Variants in DDR2 observed in about 807,000 individuals in gnomAD.
DDR2 encodes the protein discoidin domain receptor tyrosine kinase 2, also known as discoidin domain-containing receptor 2.
DDR2 carries 27 observed loss-of-function variants against 94.9 expected under a neutral mutation model. The observed-to-expected ratio is 0.28, with a 90% CI of 0.21 to 0.39. The LOEUF (loss-of-function observed/expected upper bound fraction) is 0.39. Among genes scored for constraint, DDR2 ranks in the 10% least tolerant of loss-of-function variants. DDR2 has a pLI of 1.00. For synonymous variants in DDR2, 382 were observed against 377.2 expected (o/e 1.01, Z -0.15); for missense variants, 783 against 1,076.0 (o/e 0.73, Z 3.81).
At chr1:162,776,071 A>C in intron 15 of DDR2, 65 bp from the exon 16 acceptor site, 1 of 1,448,486 alleles carries the variant, frequency 6.9e-7, no homozygotes, top group Admixed American at 1.7e-5. Flanking sequence ...CCATTTTAGA[A>C]TGTGTACCTT....
At chr1:162,729,891 G>A (rs1661938038) in intron 3 of DDR2, among the ~76,000 whole-genome samples, 1 of 151,734 alleles carries the variant, frequency 6.6e-6, no homozygotes, top group Non-Finnish European at 1.5e-5. Context: ...TTACAGGCAT[G>A]CACCACCACG....
rs538751008 is a variant in DDR2, at chr1:162,768,523, C to T, written c.1293+1164C>T. The stretch of plus-strand genomic sequence containing the variant: ...GAGGAGACCAATGCCTGTGTGGAAC[C>T]TCTATTCCAGAGGAGAGGAAAGGGC... On this transcript the variant is annotated intron_variant, in intron 11 of 17. Coordinates refer to ENST00000367921, the MANE Select transcript of DDR2 (RefSeq NM_006182.4). Among the ~76,000 whole-genome samples, 164 of 152,240 alleles carry T rather than the reference C, an allele frequency of 1.1e-3. 3 individuals are homozygous for T. In the South Asian group the frequency reaches 0.033, roughly 31 times the overall value.
At chr1:162,778,805 A>G in intron 17 of DDR2, 76 bp downstream of exon 17, 1 of 1,592,194 alleles carries the variant, frequency 6.3e-7, no homozygotes, top group Non-Finnish European at 8.6e-7. Context: ...CTGCCTTAGC[A>G]GGAGTGGGCC....
chr1:162,663,978 C>T (rs1658426200), intron 2 of DDR2, among the ~76,000 whole-genome samples: 1 of 152,048 alleles, frequency 6.6e-6, no homozygotes, highest in Non-Finnish European at 1.5e-5. Context: ...TGGAAACCCC[C>T]TAATAGATCA....
Position 162,720,922 on chromosome 1 carries a change from G to A in DDR2, c.82+1777G>A, listed in dbSNP as rs539121658. 6.6e-5 allele frequency among the ~76,000 whole-genome samples: 10 copies of A among 152,202 alleles called. No homozygotes were observed. In the South Asian group the frequency reaches 2.1e-3, roughly 32 times the overall value. ...TGGGTTTTTCTTTATACCTTCAATA[G>A]GAAATATGATCAAACATCCTTAAAA... On this transcript the variant is annotated intron_variant, in intron 3 of 17. Coordinates refer to ENST00000367921, the MANE Select transcript of DDR2 (RefSeq NM_006182.4).
chr1:162,720,964 T>G (rs1661391264), intron 3 of DDR2, among the ~76,000 whole-genome samples: 1 of 152,226 alleles, frequency 6.6e-6, no homozygotes, highest in South Asian at 2.1e-4. Flanking sequence ...AATTATTGGC[T>G]GAAGGAGCCC....
At chr1:162,697,944 T>G (rs1282593987) in intron 2 of DDR2, among the ~76,000 whole-genome samples, 1 of 152,178 alleles carries the variant, frequency 6.6e-6, no homozygotes, top group Admixed American at 6.5e-5. Flanking sequence ...GGAGTGATAG[T>G]AGAAGTAGAT....
At chr1:162,731,379 T>C (rs1489352060) in intron 3 of DDR2, among the ~76,000 whole-genome samples, 2 of 152,226 alleles carry the variant, frequency 1.3e-5, no homozygotes, top group Non-Finnish European at 2.9e-5. Flanking sequence ...CTTTTTCCTT[T>C]ATCCAAATTT....
At chr1:162,633,279 T>G (rs1257369191) in intron 1 of DDR2, among the ~76,000 whole-genome samples, 1 of 152,104 alleles carries the variant, frequency 6.6e-6, no homozygotes, top group African/African-American at 2.4e-5. Flanking sequence ...ACTGGGGCTG[T>G]TTTCATTTGG....
chr1:162,741,193 A>T (rs1662571563), intron 3 of DDR2, among the ~76,000 whole-genome samples: 1 of 80,288 alleles, frequency 1.2e-5, no homozygotes, highest in Admixed American at 1.5e-4. Flanking sequence ...ATAACATAAC[A>T]TAATACAATA....
At chr1:162,704,334 A>G (rs1660560163) in intron 2 of DDR2, among the ~76,000 whole-genome samples, 1 of 152,172 alleles carries the variant, frequency 6.6e-6, no homozygotes, top group Non-Finnish European at 1.5e-5. Flanking sequence ...AAGGGGCAGC[A>G]AAGCCACTTC....
intron 3 of DDR2, among the ~76,000 whole-genome samples, chr1:162,730,210 G>A (rs1489276689): frequency 6.6e-6 from 1 of 152,008 alleles, no homozygotes; most frequent in Non-Finnish European, 1.5e-5. Context: ...ATAATGAACC[G>A]AGGCCATTTC....
intron 3 of DDR2, among the ~76,000 whole-genome samples, chr1:162,721,898 CAATAAAATAAA>C (rs1406943699): frequency 6.6e-6 from 1 of 152,022 alleles, no homozygotes; most frequent in Non-Finnish European, 1.5e-5. Context: ...GCATTAAACT[CAATAAAATAAA>C]AATAAAATAA....
intron 2 of DDR2, among the ~76,000 whole-genome samples, chr1:162,700,560 T>C (rs1660385729): frequency 6.6e-6 from 1 of 152,202 alleles, no homozygotes; most frequent in African/African-American, 2.4e-5. Flanking sequence ...GATTTCAGCC[T>C]TGGAAATCTG....
intron 12 of DDR2, 138 bp from the exon 13 acceptor site, chr1:162,771,886 C>T (rs771416341): frequency 1.0e-5 from 9 of 889,528 alleles, no homozygotes; most frequent in African/African-American, 6.7e-5. Context: ...GAAGCAAAAC[C>T]ATTTTCCAAG....
Position 162,779,765 on chromosome 1 carries a change from G to A in DDR2, c.2434-347G>A, listed in dbSNP as rs911347190. ...GTTGTTTTCTGCCTCTGCCATGATC[G>A]GCTCAGCCAAGATGAACTTCAATAT... On this transcript the variant is annotated intron_variant, in intron 17 of 17. Coordinates refer to ENST00000367921, the MANE Select transcript of DDR2 (RefSeq NM_006182.4). Among the ~76,000 whole-genome samples the A allele has an allele frequency of 2.4e-4, 37 of 152,128 alleles. 1 individual carries two copies. The highest frequency in any genetic ancestry group is 2.2e-3 in the Admixed American group (33 of 15,276).
At chr1:162,688,892 C>T (rs1468606718) in intron 2 of DDR2, among the ~76,000 whole-genome samples, 1 of 152,204 alleles carries the variant, frequency 6.6e-6, no homozygotes, top group Non-Finnish European at 1.5e-5. Context: ...TGGGGCCGGC[C>T]TTCCTGAGAC....
chr1:162,717,245 A>G (rs1406332169), intron 2 of DDR2, among the ~76,000 whole-genome samples: 1 of 152,118 alleles, frequency 6.6e-6, no homozygotes, highest in African/African-American at 2.4e-5. Context: ...CATGATGGCC[A>G]GGCTGGTCTT....
chr1:162,698,879 T>G (rs1660306502), intron 2 of DDR2, among the ~76,000 whole-genome samples: 1 of 152,212 alleles, frequency 6.6e-6, no homozygotes, highest in Non-Finnish European at 1.5e-5. Flanking sequence ...GCTTTATTCC[T>G]AAAGCCCAGT....
Sources: gnomAD v4.1 joint callset for allele counts (sites outside exome capture counted in the v4.1 genomes callset) on GRCh38, gnomAD v4.1.1 for gene constraint, MANE v1.5 for transcripts, NCBI Gene and HGNC (gene_info 2026-07-23, HGNC 2026-07-21) for gene names.